The following PPAT variants were observed in gnomAD, a reference collection of about 807,000 sequenced individuals.
PPAT encodes amidophosphoribosyltransferase.
In PPAT, 20 loss-of-function variants were observed where a neutral mutation model predicts 60.2. The observed-to-expected ratio is 0.33, with a 90% CI of 0.23 to 0.48. The LOEUF (loss-of-function observed/expected upper bound fraction) is 0.48, where lower values mean the gene tolerates loss of function less well. Among genes scored for constraint, PPAT ranks in the 20% least tolerant of loss-of-function variants. PPAT has a pLI of 0.99. For missense variants in PPAT, 349 were observed against 629.6 expected (o/e 0.55, Z 4.77); for synonymous variants, 194 against 215.1 (o/e 0.90, Z 0.86).
At position 56,435,611 on chromosome 4, in the gene PPAT, C is replaced by G; in HGVS notation, c.-134G>C. The G allele has an allele frequency of 3.3e-6, 5 of 1,505,810 alleles. No homozygotes were observed. In the South Asian group the frequency reaches 6.3e-5, roughly 19 times the overall value. 93.3% of individuals were successfully genotyped at this position (1,505,810 alleles called of 1,614,324 possible). A position where few individuals can be genotyped will look rare whatever the true frequency, so the allele number is the denominator to read the frequency against. ...TCTTCCTTCCCGAGGGTGGCCCCAG[C>G]TACTGCGGCGGCGCGCGCTGTCCCT... is the stretch of plus-strand genomic sequence containing the variant. On this transcript the variant is annotated 5_prime_UTR_variant, in exon 1 of 11. Transcript: ENST00000264220.
chr4:56,402,911 AT>A, intron 5 of PPAT, 128 bp downstream of exon 5: 1 of 671,436 alleles, frequency 1.5e-6, no homozygotes, highest in South Asian at 3.1e-5. Flanking sequence ...GAATACATTT[AT>A]TTTTATTTTT....
Position 56,435,505 on chromosome 4 carries a change from C to T in PPAT, c.-28G>A, listed in dbSNP as rs1333708953. The T allele has an allele frequency of 6.2e-7, 1 of 1,612,682 alleles. No individual in the cohort carries two copies. Among genetic ancestry groups the T allele is most frequent in the African/African-American group, 1.3e-5 (1 of 75,008 alleles). On this transcript the variant is annotated 5_prime_UTR_variant, in exon 1 of 11. Coordinates refer to ENST00000264220, the MANE Select transcript of PPAT (RefSeq NM_002703.5). ...CGCCGCCGAAAGCACGTGGAAGGAC[C>T]TGCCGCTGCGGCCAAGGTGTAAGCA...
At chr4:56,434,039 A>C (rs1717759624) in intron 1 of PPAT, among the ~76,000 whole-genome samples, 1 of 152,154 alleles carries the variant, frequency 6.6e-6, no homozygotes, top group African/African-American at 2.4e-5. Flanking sequence ...CTACCACATA[A>C]TCAAGAGTTT....
chr4:56,426,412 A>G (rs1717295902), intron 1 of PPAT, among the ~76,000 whole-genome samples: 1 of 151,994 alleles, frequency 6.6e-6, no homozygotes, highest in African/African-American at 2.4e-5. Context: ...AAAAAAAAAA[A>G]AGAAAGAAAC....
At chr4:56,399,484 TATTCAAGTAAA>T (rs974124271) in intron 8 of PPAT, 84 bp from the exon 9 acceptor site, 311 of 1,032,274 alleles carry the variant, frequency 3.0e-4, no homozygotes, top group Non-Finnish European at 4.0e-4. Flanking sequence ...GCCGCCACAA[TATTCAAGTAAA>T]ATTTCAAAAT....
chr4:56,412,172 G>A (rs548725761), intron 1 of PPAT, among the ~76,000 whole-genome samples: 3 of 152,214 alleles, frequency 2.0e-5, no homozygotes, highest in African/African-American at 2.4e-5. Flanking sequence ...GATCTTCAGC[G>A]CTTTCAGGTA....
rs1415667805 is a variant in PPAT at position 56,426,130 on chromosome 4, C to T, written c.128+9220G>A. Among the ~76,000 whole-genome samples, 9 of 152,274 alleles carry T rather than the reference C, an allele frequency of 5.9e-5. No individual in the cohort carries two copies. In the South Asian group the frequency reaches 6.2e-4, roughly 11 times the overall value. On this transcript the variant is annotated intron_variant, in intron 1 of 10. Coordinates refer to ENST00000264220, the MANE Select transcript of PPAT (RefSeq NM_002703.5). Reference sequence around the variant, plus strand: ...AAAGAAATCCCGTATCTGCCAGGCACGGTGGCTAACGCCTGTAATCCCAAC... The same window carrying T: ...AAAGAAATCCCGTATCTGCCAGGCATGGTGGCTAACGCCTGTAATCCCAAC...
chr4:56,402,554 C>T (rs905179586), intron 5 of PPAT, among the ~76,000 whole-genome samples: 5 of 152,044 alleles, frequency 3.3e-5, no homozygotes, highest in Non-Finnish European at 5.9e-5. Flanking sequence ...TGGTGGCTCA[C>T]GCCTGTAATC....
intron 1 of PPAT, chr4:56,425,396 A>G: frequency 2.2e-6 from 2 of 904,130 alleles, no homozygotes; most frequent in Non-Finnish European, 2.6e-6. Context: ...AGAAGAACTT[A>G]TTACTAAAAC....
chr4:56,394,071 A>C lies in PPAT; in HGVS notation c.*1281T>G, dbSNP rs1463929668. Reference sequence around the variant, plus strand: ...TATATACATCAAATTATGGTAACATAACAGAAACAAACACTTTTATGTTTA... The same window carrying C: ...TATATACATCAAATTATGGTAACATCACAGAAACAAACACTTTTATGTTTA... On this transcript the variant is annotated 3_prime_UTR_variant, in exon 11 of 11. Coordinates refer to ENST00000264220, the MANE Select transcript of PPAT (RefSeq NM_002703.5). 4.6e-5 allele frequency: 7 copies of C among 152,384 alleles called. No homozygotes were observed. The highest frequency in any genetic ancestry group is 8.8e-5 in the Non-Finnish European group (6 of 68,038). 9.4% of individuals were successfully genotyped at this position (152,384 alleles called of 1,614,324 possible). A position where few individuals can be genotyped will look rare whatever the true frequency, so the allele number is the denominator to read the frequency against.
At chr4:56,431,389 TC>T in intron 1 of PPAT, 1 of 962,878 alleles carries the variant, frequency 1.0e-6, no homozygotes, top group Non-Finnish European at 1.2e-6. Flanking sequence ...CAAGTGCCTT[TC>T]CAGTGGTAAT....
chr4:56,434,912 C>A (rs555246303), intron 1 of PPAT, among the ~76,000 whole-genome samples: 1 of 152,332 alleles, frequency 6.6e-6, no homozygotes, highest in East Asian at 1.9e-4. Context: ...GGAGGCCCCG[C>A]GCGAAAACCT....
Position 56,401,485 on chromosome 4 carries a change from G to A in PPAT, c.735-4C>T, listed in dbSNP as rs749905825. On this transcript the variant is annotated splice_polypyrimidine_tract_variant and splice_region_variant and intron_variant, in intron 6 of 10. Coordinates refer to ENST00000264220, the MANE Select transcript of PPAT (RefSeq NM_002703.5). ...AGGCAAGACTTCACGGTAATATCTTGGGAAACAATGTTAAAGAAAGAAGAC... is the reference window on the plus strand; with the variant it reads ...AGGCAAGACTTCACGGTAATATCTTAGGAAACAATGTTAAAGAAAGAAGAC... The A allele has an allele frequency of 6.3e-7, 1 of 1,583,174 alleles. No homozygotes were observed. The highest frequency in any genetic ancestry group is 1.2e-5 in the South Asian group (1 of 85,694).
chr4:56,406,495 C>G lies in PPAT; in HGVS notation c.402G>C (p.Lys134Asn). ...ELVNAARLRK[K>N]LLRHGIGLST... ...AGGGAAAACAAACAAACAAACGTACCTTTTTCCTTAATCGAGCAGCATTTA... is the reference window on the plus strand; with the variant it reads ...AGGGAAAACAAACAAACAAACGTACGTTTTTCCTTAATCGAGCAGCATTTA... Residue 134 changes from lysine to asparagine, a missense_variant and splice_region_variant, in exon 3 of 11, where the codon AAG (lysine) becomes AAC (asparagine). Lys to Asn is a moderately conservative substitution (Grantham distance 94, BLOSUM62 0). Transcript: ENST00000264220. 4 of 1,610,112 alleles carry G rather than the reference C, an allele frequency of 2.5e-6. No homozygotes were observed. Among genetic ancestry groups the G allele is most frequent in the Non-Finnish European group, 2.5e-6 (3 of 1,178,198 alleles).
chr4:56,402,848 A>AAAAG (rs1560638308), intron 5 of PPAT, among the ~76,000 whole-genome samples, 192 bp downstream of exon 5: 6 of 76,098 alleles, frequency 7.9e-5, no homozygotes, highest in African/African-American at 2.9e-4. Flanking sequence ...AAAAAAAAAA[A>AAAAG]GGGGGGGGAC....
At position 56,396,835 on chromosome 4, in the gene PPAT, T is replaced by A; in HGVS notation, c.1237-96A>T. The A allele has an allele frequency of 8.3e-7, 1 of 1,206,180 alleles. No individual in the cohort carries two copies. Among genetic ancestry groups the A allele is most frequent in the Non-Finnish European group, 1.2e-6 (1 of 868,416 alleles). 74.7% of individuals were successfully genotyped at this position (1,206,180 alleles called of 1,614,324 possible). On this transcript the variant is annotated intron_variant, in intron 9 of 10. Coordinates refer to ENST00000264220, the MANE Select transcript of PPAT (RefSeq NM_002703.5). The surrounding 1 kb of genome is among the most constrained non-coding windows in gnomAD (Gnocchi z 4.6). ...CAAAATTGTTTTGCAGAATATTCAG[T>A]AACAACATATGGGTAATAAATTATT...
rs555707398 is a variant in PPAT, at chr4:56,404,891, T to C, written c.403-1490A>G. On this transcript the variant is annotated intron_variant, in intron 3 of 10. Coordinates refer to ENST00000264220, the MANE Select transcript of PPAT (RefSeq NM_002703.5). ...CATTATTATTAAGCTTCTGTAACTG[T>C]TCATCATATGTGAATTGCCCAGCTC... 2.0e-5 allele frequency among the ~76,000 whole-genome samples: 3 copies of C among 152,282 alleles called. No homozygotes were observed. The South Asian group carries it at 6.2e-4, about 32-fold the overall frequency.
chr4:56,406,258 G>C (rs1716238625), intron 3 of PPAT, among the ~76,000 whole-genome samples: 1 of 152,138 alleles, frequency 6.6e-6, no homozygotes, highest in African/African-American at 2.4e-5. Flanking sequence ...CTAAAGCAGT[G>C]CATTCAAAAA....
chr4:56,395,657 C>A, intron 10 of PPAT, 109 bp from the exon 11 acceptor site: 60 of 644,030 alleles, frequency 9.3e-5, no homozygotes, highest in South Asian at 1.2e-4. Flanking sequence ...GGATAAATTT[C>A]TCCTTTAGCC....
Sources: gnomAD v4.1 joint callset for allele counts (sites outside exome capture counted in the v4.1 genomes callset) on GRCh38, gnomAD v4.1.1 for gene constraint, Gnocchi (gnomAD v3.1) non-coding constraint, MANE v1.5 for transcripts, NCBI Gene and HGNC (gene_info 2026-07-23, HGNC 2026-07-21) for gene names.